Variants in GPHN observed in about 807,000 individuals in gnomAD.
The protein encoded by GPHN is gephyrin.
A neutral mutation model predicts 95.5 loss-of-function variants in GPHN; 17 were observed. That is an observed-to-expected ratio of 0.18 (90% CI 0.12 to 0.27). GPHN has a LOEUF of 0.27. Among genes scored for constraint, GPHN ranks in the 10% least tolerant of loss-of-function variants. The probability of loss-of-function intolerance (pLI) is 1.00; values close to 1 mark genes in which losing one functional copy is unlikely to be tolerated. For synonymous variants in GPHN, 320 were observed against 322.5 expected (o/e 0.99, Z 0.08); for missense variants, 660 against 978.1 (o/e 0.67, Z 4.34).
At chr14:67,257,960 T>C in the GPHN span, among the ~76,000 whole-genome samples, 1 of 152,168 alleles carries the variant, frequency 6.6e-6, no homozygotes, top group African/African-American at 2.4e-5. Context: ...AGGTAGTGAA[T>C]ATTTGCATCA....
At chr14:66,895,424 G>A (rs902225520) in intron 5 of GPHN, among the ~76,000 whole-genome samples, 2 of 152,194 alleles carry the variant, frequency 1.3e-5, no homozygotes, top group South Asian at 4.1e-4. Flanking sequence ...GAGTTAATGG[G>A]TGCAGCAAAC....
the GPHN span, chr14:67,593,366 C>T: frequency 4.1e-6 from 1 of 245,960 alleles, no homozygotes; most frequent in Non-Finnish European, 7.9e-6. Flanking sequence ...TGGTGCATGC[C>T]TGTAGTCCCA....
the GPHN span, among the ~76,000 whole-genome samples, chr14:67,245,498 T>G: frequency 1.2e-4 from 19 of 152,220 alleles, no homozygotes. Flanking sequence ...TATTGCTGAA[T>G]TTATTATTAT....
At chr14:67,628,461 C>A in the GPHN span, among the ~76,000 whole-genome samples, 1 of 152,122 alleles carries the variant, frequency 6.6e-6, no homozygotes, top group Non-Finnish European at 1.5e-5. Flanking sequence ...TAGTGATGTG[C>A]CTGCATAGAG....
the GPHN span, chr14:67,381,489 T>G: frequency 1.2e-6 from 1 of 822,202 alleles, no homozygotes. Flanking sequence ...TTGGATTCAG[T>G]ATAAGTATTT....
At chr14:67,241,079 T>C in the GPHN span, 31,963 of 152,178 alleles carry the variant, frequency 0.21, 5,065 homozygotes, top group East Asian at 0.44. Context: ...GAAGGGGCTC[T>C]ACCGGGCCAG....
intron 17 of GPHN, among the ~76,000 whole-genome samples, chr14:67,131,767 A>C (rs922833679): frequency 6.6e-6 from 1 of 152,198 alleles, no homozygotes; most frequent in African/African-American, 2.4e-5. Context: ...ACAAGCGGTA[A>C]TCATTATCCA....
At chr14:67,662,303 T>C in the GPHN span, among the ~76,000 whole-genome samples, 1 of 152,168 alleles carries the variant, frequency 6.6e-6, no homozygotes, top group Non-Finnish European at 1.5e-5. Flanking sequence ...GCTTCACCCA[T>C]TTGTTTGCCA....
chr14:67,292,840 A>G, the GPHN span: 6 of 719,610 alleles, frequency 8.3e-6, no homozygotes, highest in African/African-American at 1.1e-4. Context: ...TGTTAATTAC[A>G]TGTTAATAAT....
chr14:67,433,036 G>A, the GPHN span, among the ~76,000 whole-genome samples: 3 of 152,282 alleles, frequency 2.0e-5, no homozygotes, highest in East Asian at 1.9e-4. Context: ...ACCATTCAAC[G>A]TAGTCCTCTC....
the GPHN span, among the ~76,000 whole-genome samples, chr14:67,487,421 C>T: frequency 6.6e-6 from 1 of 152,144 alleles, no homozygotes; most frequent in Non-Finnish European, 1.5e-5. Flanking sequence ...GGGCTTCTTG[C>T]CTAAATGTGT....
chr14:67,341,501 G>T, the GPHN span, among the ~76,000 whole-genome samples: 1 of 151,780 alleles, frequency 6.6e-6, no homozygotes, highest in Admixed American at 6.6e-5. Context: ...CGCCCCGTCC[G>T]GGAGGGAGGT....
chr14:67,057,410 G>C (rs530008708), intron 10 of GPHN, among the ~76,000 whole-genome samples: 64 of 148,484 alleles, frequency 4.3e-4, no homozygotes, highest in African/African-American at 1.2e-3. Flanking sequence ...GGGCACATGG[G>C]TGGGGGGGGC....
the GPHN span, chr14:67,279,621 T>A: frequency 7.9e-7 from 1 of 1,269,596 alleles, no homozygotes; most frequent in Non-Finnish European, 1.1e-6. Flanking sequence ...GAAGAGGGTT[T>A]AAGAGAATGT....
the GPHN span, chr14:67,583,890 AGGCTACAAGGTC>A: frequency 6.2e-7 from 1 of 1,613,422 alleles, no homozygotes; most frequent in Non-Finnish European, 8.5e-7. Flanking sequence ...TGAGGTAGGT[AGGCTACAAGGTC>A]TTGCAGCAAG....
chr14:66,546,814 GGAGGGA>G (rs1274715324), intron 1 of GPHN, among the ~76,000 whole-genome samples: 2 of 146,550 alleles, frequency 1.4e-5, no homozygotes, highest in Non-Finnish European at 3.0e-5. Flanking sequence ...AGGGGGAGGG[GGAGGGA>G]GAGGGCCGCG....
In GPHN at chr14:67,180,837, G is replaced by T; in HGVS notation, c.2210G>T (p.Arg737Leu). 1.2e-6 allele frequency: 2 copies of T among 1,613,630 alleles called. No homozygotes were observed. The highest frequency in any genetic ancestry group is 1.7e-6 in the Non-Finnish European group (2 of 1,179,670). The change falls in exon 23 of 23, where the codon CGC becomes CTC. Residue 737 changes from arginine to leucine, a missense_variant. Physicochemically the swap from Arg to Leu is moderately radical, Grantham distance 102. This residue lies in a region of GPHN where 48 missense variants were observed against 137.4 expected (regional missense o/e 0.35). Transcript: ENST00000478722. The stretch of plus-strand genomic sequence containing the variant: ...ATGAGCAGCCGTCTGATGAGCATGC[G>T]CAGTGCCAATGGATTGTTGATGCTA... ...NQMSSRLMSMRSANGLLMLPP... is the reference protein window; with the variant it reads ...NQMSSRLMSMLSANGLLMLPP...
chr14:67,026,249 A>G (rs983104407), intron 10 of GPHN, among the ~76,000 whole-genome samples: 1 of 152,218 alleles, frequency 6.6e-6, no homozygotes, highest in Non-Finnish European at 1.5e-5. Context: ...TGTGGTAATA[A>G]GATGGTCTGC....
At chr14:67,356,779 CAA>C in the GPHN span, among the ~76,000 whole-genome samples, 1 of 152,160 alleles carries the variant, frequency 6.6e-6, no homozygotes, top group Non-Finnish European at 1.5e-5. Context: ...ACTGGTCTCA[CAA>C]GAGGTCTTAT....
Sources: gnomAD v4.1 joint callset for allele counts (sites outside exome capture counted in the v4.1 genomes callset) on GRCh38, gnomAD v4.1.1 for gene constraint, gnomAD v4.1.1 regional missense constraint, MANE v1.5 for transcripts, NCBI Gene and HGNC (gene_info 2026-07-23, HGNC 2026-07-21) for gene names.